SPAG16: variants seen among roughly 807,000 people sequenced by gnomAD.
SPAG16 encodes the protein sperm associated antigen 16, also known as sperm-associated antigen 16 protein.
In SPAG16, 86 loss-of-function variants were observed where a neutral mutation model predicts 80.4. The observed-to-expected ratio is 1.07, with a 90% CI of 0.90 to 1.28. SPAG16 has a LOEUF of 1.28. SPAG16 is among the 50% of genes most tolerant of loss of function. The probability of loss-of-function intolerance (pLI) is 0.00; values close to 1 mark genes in which losing one functional copy is unlikely to be tolerated. For synonymous variants in SPAG16, 294 were observed against 265.9 expected, an observed-to-expected ratio of 1.11 and a Z score of -1.03; for missense variants, 870 against 765.3, an observed-to-expected ratio of 1.14 and a Z score of -1.61.
chr2:213,601,231 A>G (rs903703548), intron 10 of SPAG16, among the ~76,000 whole-genome samples: 4 of 152,190 alleles, frequency 2.6e-5, no homozygotes, highest in Admixed American at 2.0e-4. Context: ...ACCAGAGGTA[A>G]TTGTTTTCTT....
At chr2:213,872,139 G>C (rs2075978805) in intron 11 of SPAG16, among the ~76,000 whole-genome samples, 1 of 152,070 alleles carries the variant, frequency 6.6e-6, no homozygotes, top group South Asian at 2.1e-4. Context: ...TATCTAGGTT[G>C]ACCCACTGTA....
intron 10 of SPAG16, among the ~76,000 whole-genome samples, chr2:213,827,042 CT>C (rs2073348455): frequency 6.6e-6 from 1 of 151,732 alleles, no homozygotes; most frequent in Non-Finnish European, 1.5e-5. Context: ...CATGGAATAA[CT>C]TTTTCCATCC....
At chr2:213,486,218 T>A (rs2073965533) in intron 9 of SPAG16, among the ~76,000 whole-genome samples, 1 of 152,096 alleles carries the variant, frequency 6.6e-6, no homozygotes, top group African/African-American at 2.4e-5. Flanking sequence ...CTCTCCATCC[T>A]TCCTTCTCCA....
rs114866085 is a variant in SPAG16, at chr2:214,037,600, C to T, written c.1527+23523C>T. Among the ~76,000 whole-genome samples, 272 of 152,078 alleles carry T rather than the reference C, an allele frequency of 1.8e-3. 2 individuals carry two copies. The highest frequency in any genetic ancestry group is 6.4e-3 in the African/African-American group (265 of 41,508). On this transcript the variant is annotated intron_variant, in intron 13 of 15. Coordinates refer to ENST00000331683, the MANE Select transcript of SPAG16 (RefSeq NM_024532.5). Reference sequence around the variant, plus strand: ...TGTGTGCACTTGATTGATCTTATATCAATTCTGATATATTAACATCTCCTA... The same window carrying T: ...TGTGTGCACTTGATTGATCTTATATTAATTCTGATATATTAACATCTCCTA...
intron 10 of SPAG16, among the ~76,000 whole-genome samples, chr2:213,783,375 C>G (rs1303924576): frequency 6.7e-6 from 1 of 149,876 alleles, no homozygotes; most frequent in African/African-American, 2.5e-5. Context: ...GATTTTGAAG[C>G]CTTTTTATAT....
intron 13 of SPAG16, among the ~76,000 whole-genome samples, chr2:214,052,848 C>A (rs1357273020): frequency 1.3e-5 from 2 of 152,168 alleles, no homozygotes; most frequent in East Asian, 3.9e-4. Context: ...AACTTCATAA[C>A]TTACTGACTT....
chr2:213,950,702 C>CTTTTTTTT, intron 12 of SPAG16, among the ~76,000 whole-genome samples: 2 of 99,726 alleles, frequency 2.0e-5, no homozygotes, highest in Non-Finnish European at 3.8e-5. Context: ...TTTTTTCTTT[C>CTTTTTTTT]TTTTTTTTTT....
chr2:213,637,460 G>T (rs2062409141), intron 10 of SPAG16, among the ~76,000 whole-genome samples: 1 of 152,164 alleles, frequency 6.6e-6, no homozygotes, highest in Admixed American at 6.5e-5. Context: ...TTCATAGAAT[G>T]ATTTAGGGAG....
At chr2:213,511,367 T>G (rs1214742396) in intron 10 of SPAG16, among the ~76,000 whole-genome samples, 2 of 152,200 alleles carry the variant, frequency 1.3e-5, no homozygotes, top group East Asian at 3.9e-4. Flanking sequence ...TAAAATACCA[T>G]CGTTTCGAGA....
chr2:214,234,077 C>CA (rs1167822794), intron 15 of SPAG16, among the ~76,000 whole-genome samples: 1 of 151,670 alleles, frequency 6.6e-6, no homozygotes, highest in Non-Finnish European at 1.5e-5. Flanking sequence ...TGTTGTTTCC[C>CA]CCCCCATGTG....
intron 9 of SPAG16, among the ~76,000 whole-genome samples, chr2:213,417,205 G>GAC (rs140652255): frequency 4.6e-4 from 70 of 151,438 alleles, no homozygotes; most frequent in African/African-American, 1.2e-3. Flanking sequence ...GAAAAGTACA[G>GAC]ACACACACAC....
At chr2:213,405,119 A>G (rs1390256876) in intron 9 of SPAG16, among the ~76,000 whole-genome samples, 2 of 152,212 alleles carry the variant, frequency 1.3e-5, no homozygotes, top group African/African-American at 4.8e-5. Context: ...GAGTGTAACA[A>G]TGCAACAAGA....
chr2:213,964,202 T>C (rs572720192), intron 12 of SPAG16, among the ~76,000 whole-genome samples: 1 of 151,964 alleles, frequency 6.6e-6, no homozygotes, highest in South Asian at 2.1e-4. Flanking sequence ...AAATTGATGG[T>C]ATATACATGT....
intron 15 of SPAG16, among the ~76,000 whole-genome samples, chr2:214,301,188 CATAA>C (rs762629293): frequency 6.7e-6 from 1 of 149,910 alleles, no homozygotes; most frequent in Non-Finnish European, 1.5e-5. Context: ...TGATTTACCA[CATAA>C]ATAGATTTAA....
At chr2:213,426,850 C>CACAA (rs2069960208) in intron 9 of SPAG16, among the ~76,000 whole-genome samples, 1 of 144,718 alleles carries the variant, frequency 6.9e-6, no homozygotes, top group African/African-American at 2.7e-5. Context: ...CACACACACA[C>CACAA]ACACACACAC....
intron 10 of SPAG16, among the ~76,000 whole-genome samples, chr2:213,813,783 A>G (rs567588858): frequency 6.6e-6 from 1 of 152,260 alleles, no homozygotes; most frequent in Non-Finnish European, 1.5e-5. Context: ...CCCATGAGAT[A>G]AAACAAACAA....
chr2:213,332,981 C>T (rs972874307), intron 5 of SPAG16, among the ~76,000 whole-genome samples: 8 of 151,988 alleles, frequency 5.3e-5, no homozygotes, highest in Non-Finnish European at 1.2e-4. Flanking sequence ...CCCATTGTCA[C>T]CACTATTATT....
At chr2:213,869,133 ATCC>A (rs2075827460) in intron 11 of SPAG16, among the ~76,000 whole-genome samples, 1 of 150,928 alleles carries the variant, frequency 6.6e-6, no homozygotes, top group Non-Finnish European at 1.5e-5. Flanking sequence ...GGCACCTGTA[ATCC>A]CAGCTACTCG....
chr2:213,695,657 T>C (rs1425311045), intron 10 of SPAG16, among the ~76,000 whole-genome samples: 1 of 152,166 alleles, frequency 6.6e-6, no homozygotes, highest in Non-Finnish European at 1.5e-5. Context: ...GGAAGAGACA[T>C]TTGGTCAGAG....
Sources: allele counts gnomAD v4.1 joint callset (sites outside exome capture counted in the v4.1 genomes callset), GRCh38; gene constraint gnomAD v4.1.1; transcripts MANE v1.5; gene names NCBI Gene and HGNC (gene_info 2026-07-23, HGNC 2026-07-21).